Variants in FERMT2 observed in about 807,000 individuals in gnomAD.
The protein encoded by FERMT2 is fermitin family homolog 2.
In FERMT2, 15 loss-of-function variants were observed where a neutral mutation model predicts 82.7. The ratio of observed to expected loss-of-function variants is 0.18; its 90% CI spans 0.12 to 0.28. The LOEUF (loss-of-function observed/expected upper bound fraction) is 0.28, where lower values mean the gene tolerates loss of function less well. Ranked by LOEUF, FERMT2 falls within the 10% of genes least tolerant of loss-of-function variation. The pLI is 1.00. For synonymous variants in FERMT2, 274 were observed against 271.5 expected (o/e 1.01, Z -0.09); for missense variants, 645 against 809.4 (o/e 0.80, Z 2.46).
rs76652663 is a variant in FERMT2, at chr14:52,880,963, C to T, written c.855+73G>A. On this transcript the variant is annotated intron_variant, in intron 6 of 14. Transcript: ENST00000341590. ...AAATAATTCCTTATTCCACCGACTT[C>T]CAAAAACAAACATCCATGTGAACAA... The T allele has an allele frequency of 8.1e-3, 7,782 of 959,218 alleles. 47 individuals are homozygous for T. Among genetic ancestry groups the T allele is most frequent in the Non-Finnish European group, 0.011 (6,724 of 633,696 alleles). The allele number at this position is 959,218 out of a possible 1,614,324, so 59.4% of individuals were successfully genotyped here.
intron 3 of FERMT2, among the ~76,000 whole-genome samples, chr14:52,903,358 T>C (rs1887789148): frequency 6.6e-6 from 1 of 151,954 alleles, no homozygotes; most frequent in African/African-American, 2.4e-5. Context: ...GGCAACATAG[T>C]GATACCCCAT....
intron 2 of FERMT2, among the ~76,000 whole-genome samples, 191 bp from the exon 3 acceptor site, chr14:52,919,547 G>C (rs903840621): frequency 6.6e-6 from 1 of 152,166 alleles, no homozygotes; most frequent in Non-Finnish European, 1.5e-5. Flanking sequence ...CAGTACACAA[G>C]GCAGCTGAGG....
chr14:52,897,976 CAA>C (rs71125145), intron 3 of FERMT2, among the ~76,000 whole-genome samples: 1 of 93,492 alleles, frequency 1.1e-5, no homozygotes, highest in Non-Finnish European at 1.9e-5. Context: ...AACTCCGTCT[CAA>C]AAAAAAAAAA....
chr14:52,950,383 T>G (rs775655586), intron 2 of FERMT2, 29 bp downstream of exon 2: 3 of 1,604,206 alleles, frequency 1.9e-6, no homozygotes, highest in African/African-American at 2.7e-5. Flanking sequence ...GGGAAGTCAT[T>G]AGTTGGACGC....
chr14:52,883,280 C>T (rs1886398087), intron 4 of FERMT2, among the ~76,000 whole-genome samples: 1 of 152,194 alleles, frequency 6.6e-6, no homozygotes, highest in African/African-American at 2.4e-5. Context: ...AGTCCTGGGG[C>T]TTTAAAAGCT....
chr14:52,865,391 G>A (rs1420228786), intron 10 of FERMT2, among the ~76,000 whole-genome samples: 1 of 152,154 alleles, frequency 6.6e-6, no homozygotes. Context: ...TTAGATAATG[G>A]CATAACAGCT....
intron 4 of FERMT2, among the ~76,000 whole-genome samples, chr14:52,890,949 C>T (rs529035280): frequency 5.9e-5 from 9 of 152,254 alleles, no homozygotes; most frequent in Admixed American, 2.6e-4. Context: ...AGGCTTCCAC[C>T]AGTATCGGCA....
At chr14:52,920,387 T>C (rs150357145) in intron 2 of FERMT2, among the ~76,000 whole-genome samples, 227 of 152,150 alleles carry the variant, frequency 1.5e-3, no homozygotes, top group African/African-American at 5.3e-3. Flanking sequence ...TCCCAGAACT[T>C]TGGTAGGCTG....
intron 7 of FERMT2, among the ~76,000 whole-genome samples, chr14:52,877,782 A>G (rs1010315146): frequency 2.0e-5 from 3 of 152,024 alleles, no homozygotes; most frequent in African/African-American, 4.8e-5. Flanking sequence ...TGCTTCCTGT[A>G]CTTCTGTTAT....
rs148878915 is a variant in FERMT2, at chr14:52,917,125, A to G, written c.391+1998T>C. On this transcript the variant is annotated intron_variant, in intron 3 of 14. Coordinates refer to ENST00000341590, the MANE Select transcript of FERMT2 (RefSeq NM_006832.3). ...GACAGTACTCTGAAATGAATTATGT[A>G]TATATTTAAAACAGCAATTTTACTT... is the stretch of plus-strand genomic sequence containing the variant. Among the ~76,000 whole-genome samples, 761 of 152,354 alleles carry G rather than the reference A, an allele frequency of 5.0e-3. 6 individuals carry two copies. The highest frequency in any genetic ancestry group is 0.049 in the East Asian group (255 of 5,182).
intron 2 of FERMT2, among the ~76,000 whole-genome samples, chr14:52,948,986 T>G (rs747696765): frequency 6.6e-6 from 1 of 152,220 alleles, no homozygotes; most frequent in Non-Finnish European, 1.5e-5. Flanking sequence ...AAAAGGTTCA[T>G]ACATATTTTG....
chr14:52,939,653 A>T (rs747413455), intron 2 of FERMT2, among the ~76,000 whole-genome samples: 1 of 152,214 alleles, frequency 6.6e-6, no homozygotes, highest in Non-Finnish European at 1.5e-5. Flanking sequence ...ACACAGCCCA[A>T]GGTCATACAG....
intron 2 of FERMT2, among the ~76,000 whole-genome samples, chr14:52,945,768 G>C (rs2139711380): frequency 6.6e-6 from 1 of 152,210 alleles, no homozygotes; most frequent in South Asian, 2.1e-4. Context: ...CATTCAGTGA[G>C]CTCCAGATTA....
At position 52,940,241 on chromosome 14, in the gene FERMT2, T is replaced by G. The variant is rs1595023155; in HGVS notation, c.157+10171A>C. On this transcript the variant is annotated intron_variant, in intron 2 of 14. Transcript: ENST00000341590. ...CTTATGTATCTAAATGACAGATAAT[T>G]AAGTCTGAAACCTGAAACCTGAATC... Among the ~76,000 whole-genome samples the G allele has an allele frequency of 4.0e-5, 6 of 151,832 alleles. No individual in the cohort carries two copies. The South Asian group carries it at 1.2e-3, about 31-fold the overall frequency.
intron 2 of FERMT2, among the ~76,000 whole-genome samples, chr14:52,936,874 G>A (rs879698268): frequency 2.6e-5 from 4 of 151,988 alleles, no homozygotes; most frequent in Non-Finnish European, 5.9e-5. Context: ...TTGTCTTTAG[G>A]TCGGGAGCAG....
chr14:52,947,489 AAAAT>A (rs537981892), intron 2 of FERMT2, among the ~76,000 whole-genome samples: 2 of 152,156 alleles, frequency 1.3e-5, no homozygotes, highest in African/African-American at 4.8e-5. Context: ...CAAAAAGTAA[AAAAT>A]AAATAAATAA....
intron 12 of FERMT2, chr14:52,861,982 C>G (rs1884970033): frequency 6.6e-6 from 1 of 152,140 alleles, no homozygotes; most frequent in Non-Finnish European, 1.5e-5. Flanking sequence ...AGTGTGGTAT[C>G]TGACACACAG....
rs1285504370 is a variant in FERMT2, at chr14:52,887,674, G to T, written c.526+5619C>A. ...GAGACCCTGTCTCTTAAAAAAAAAA[G>T]AATTGGTTACTTAATGGTTAGAAGC... On this transcript the variant is annotated intron_variant, in intron 4 of 14. Coordinates refer to ENST00000341590, the MANE Select transcript of FERMT2 (RefSeq NM_006832.3). Among the ~76,000 whole-genome samples, 3 of 151,498 alleles carry T rather than the reference G, an allele frequency of 2.0e-5. No homozygotes were observed. The South Asian group carries it at 6.3e-4, about 32-fold the overall frequency.
chr14:52,942,381 C>T (rs1219968599), intron 2 of FERMT2, among the ~76,000 whole-genome samples: 1 of 150,812 alleles, frequency 6.6e-6, no homozygotes, highest in South Asian at 2.1e-4. Flanking sequence ...CGGCTCACTG[C>T]AAGCTCCCCC....
Sources: gnomAD v4.1 joint callset for allele counts (sites outside exome capture counted in the v4.1 genomes callset) on GRCh38, gnomAD v4.1.1 for gene constraint, MANE v1.5 for transcripts, NCBI Gene and HGNC (gene_info 2026-07-23, HGNC 2026-07-21) for gene names.